The following CLIC4 variants were observed in gnomAD, a reference collection of about 807,000 sequenced individuals.
CLIC4 encodes chloride intracellular channel protein 4.
In CLIC4, 13 loss-of-function variants were observed where a neutral mutation model predicts 24.6. That is an observed-to-expected ratio of 0.53 (90% CI 0.34 to 0.84). The LOEUF (loss-of-function observed/expected upper bound fraction) is 0.84. Ranked by LOEUF, CLIC4 falls within the 40% of genes least tolerant of loss-of-function variation. CLIC4 has a pLI of 0.01. For missense variants in CLIC4, 227 were observed against 301.7 expected (o/e 0.75, Z 1.83); for synonymous variants, 104 against 111.3 (o/e 0.93, Z 0.41).
chr1:24,745,625 G>A lies in CLIC4; in HGVS notation c.72G>A (p.Lys24=), dbSNP rs761499813. The A allele has an allele frequency of 1.3e-6, 2 of 1,560,444 alleles. No homozygotes were observed. Among genetic ancestry groups the A allele is most frequent in the East Asian group, 2.5e-5 (1 of 40,126 alleles). ...DKEPLIELFV[K]AGSDGESIGN... is the part of the protein sequence containing the mutation. Reference sequence around the variant, plus strand: ...AGCCCCTCATCGAGCTCTTCGTCAAGGTGAGCGCTCGCCTCGCGGTCCCGC... The same window carrying A: ...AGCCCCTCATCGAGCTCTTCGTCAAAGTGAGCGCTCGCCTCGCGGTCCCGC... Residue 24 remains lysine, a splice_region_variant and synonymous_variant, in exon 1 of 6, where the codon AAG becomes AAA. Coordinates refer to ENST00000374379, the MANE Select transcript of CLIC4 (RefSeq NM_013943.3).
rs937242424 is a variant in CLIC4 at position 24,844,069 on chromosome 1, G to A, written c.*3132G>A. The A allele has an allele frequency of 4.6e-5, 7 of 152,476 alleles. No individual in the cohort carries two copies. The highest frequency in any genetic ancestry group is 1.7e-4 in the African/African-American group (7 of 41,408). The allele number at this position is 152,476 out of a possible 1,614,324, so 9.4% of individuals were successfully genotyped here. On this transcript the variant is annotated 3_prime_UTR_variant, in exon 6 of 6. Coordinates refer to ENST00000374379, the MANE Select transcript of CLIC4 (RefSeq NM_013943.3). The stretch of plus-strand genomic sequence containing the variant: ...ATAGTCAAGGTTTGGGCCACACAAA[G>A]TATATTTTTATCATGGAAAAATTTC...
intron 3 of CLIC4, among the ~76,000 whole-genome samples, chr1:24,825,041 A>ACAC: frequency 8.5e-6 from 1 of 117,686 alleles, no homozygotes; most frequent in South Asian, 2.6e-4. Flanking sequence ...CACACACACA[A>ACAC]AAGTACAAAA....
intron 1 of CLIC4, among the ~76,000 whole-genome samples, chr1:24,772,016 C>T (rs1639076955): frequency 2.0e-5 from 3 of 152,078 alleles, no homozygotes; most frequent in Admixed American, 6.5e-5. Flanking sequence ...ACGTCAGATC[C>T]AGAGAATTAA....
At chr1:24,748,334 A>G (rs1638730830) in intron 1 of CLIC4, among the ~76,000 whole-genome samples, 1 of 151,932 alleles carries the variant, frequency 6.6e-6, no homozygotes, top group African/African-American at 2.4e-5. Context: ...GGTGGCAGAG[A>G]ATCAGGGTTC....
At chr1:24,814,757 A>G (rs1639651796) in intron 3 of CLIC4, among the ~76,000 whole-genome samples, 1 of 152,214 alleles carries the variant, frequency 6.6e-6, no homozygotes, top group African/African-American at 2.4e-5. Context: ...ATGTACTGTA[A>G]TGATAGTTAC....
chr1:24,776,776 G>T (rs896762445), intron 1 of CLIC4, among the ~76,000 whole-genome samples: 2 of 109,650 alleles, frequency 1.8e-5, no homozygotes, highest in Admixed American at 1.1e-4. Context: ...GCTGGGCATG[G>T]TGGTAGGGGC....
chr1:24,797,909 C>G, intron 2 of CLIC4, 58 bp downstream of exon 2: 1 of 1,118,450 alleles, frequency 8.9e-7, no homozygotes, highest in Non-Finnish European at 1.3e-6. Flanking sequence ...TCAGTTTGAT[C>G]CTATTTTCAC....
intron 4 of CLIC4, 52 bp from the exon 5 acceptor site, chr1:24,839,808 T>A: frequency 1.3e-6 from 2 of 1,493,456 alleles, no homozygotes; most frequent in Non-Finnish European, 1.8e-6. Flanking sequence ...CCTTGGGGAC[T>A]TGAGTGGTTT....
intron 2 of CLIC4, among the ~76,000 whole-genome samples, chr1:24,801,181 A>G (rs1257024470): frequency 2.0e-5 from 3 of 152,198 alleles, no homozygotes; most frequent in Non-Finnish European, 4.4e-5. Context: ...CTGATTTTTA[A>G]AACTATTAGT....
chr1:24,753,213 G>A (rs1308790996), intron 1 of CLIC4, among the ~76,000 whole-genome samples: 2 of 152,014 alleles, frequency 1.3e-5, no homozygotes, highest in African/African-American at 2.4e-5. Context: ...TATAAGCAAG[G>A]TATAAAAGAA....
intron 2 of CLIC4, among the ~76,000 whole-genome samples, chr1:24,808,845 T>A (rs533252159): frequency 6.6e-6 from 1 of 151,924 alleles, no homozygotes; most frequent in South Asian, 2.1e-4. Context: ...CCTGACTAAT[T>A]TTTTTTATTT....
chr1:24,804,403 G>A (rs1475144341), intron 2 of CLIC4, among the ~76,000 whole-genome samples: 1 of 136,446 alleles, frequency 7.3e-6, no homozygotes, highest in Non-Finnish European at 1.6e-5. Context: ...GGTGGGTGGA[G>A]GGGGTGTGTG....
intron 1 of CLIC4, among the ~76,000 whole-genome samples, chr1:24,772,660 A>C (rs911783546): frequency 6.6e-6 from 1 of 152,006 alleles, no homozygotes; most frequent in Non-Finnish European, 1.5e-5. Flanking sequence ...TAATTTTTGT[A>C]TTATTAGTAG....
chr1:24,793,743 T>A (rs1297821586), intron 1 of CLIC4, among the ~76,000 whole-genome samples: 1 of 152,126 alleles, frequency 6.6e-6, no homozygotes, highest in Non-Finnish European at 1.5e-5. Flanking sequence ...CTGTTGTAAC[T>A]GTTCCATGCT....
At chr1:24,793,151 T>G (rs1639358503) in intron 1 of CLIC4, 1 of 81,648 alleles carries the variant, frequency 1.2e-5, no homozygotes, top group Admixed American at 1.8e-4. Context: ...TGTACCAAAT[T>G]ACTGTTGTTT....
At chr1:24,765,783 T>C (rs1638986867) in intron 1 of CLIC4, among the ~76,000 whole-genome samples, 1 of 151,690 alleles carries the variant, frequency 6.6e-6, no homozygotes, top group Non-Finnish European at 1.5e-5. Context: ...CATTTGTATT[T>C]TTCTTTCCTT....
intron 1 of CLIC4, among the ~76,000 whole-genome samples, chr1:24,780,201 C>A (rs149825808): frequency 1.3e-5 from 2 of 152,272 alleles, no homozygotes; most frequent in East Asian, 3.9e-4. Flanking sequence ...TTCTTCCCAA[C>A]CATTATGTGT....
At chr1:24,821,510 G>T (rs886761232) in intron 3 of CLIC4, among the ~76,000 whole-genome samples, 5 of 152,026 alleles carry the variant, frequency 3.3e-5, no homozygotes, top group African/African-American at 1.2e-4. Context: ...CCCTGTAGGG[G>T]TAAAAATTTT....
At chr1:24,756,302 A>G (rs1322757312) in intron 1 of CLIC4, among the ~76,000 whole-genome samples, 2 of 152,152 alleles carry the variant, frequency 1.3e-5, no homozygotes, top group South Asian at 2.1e-4. Flanking sequence ...CCCTGCTAAC[A>G]TTAGTGTTTT....
Sources: allele counts gnomAD v4.1 joint callset (sites outside exome capture counted in the v4.1 genomes callset), GRCh38; gene constraint gnomAD v4.1.1; transcripts MANE v1.5; gene names NCBI Gene and HGNC (gene_info 2026-07-23, HGNC 2026-07-21).